The following CNTN4 variants were observed in gnomAD, a reference collection of about 807,000 sequenced individuals.
The protein encoded by CNTN4 is contactin-4.
CNTN4 carries 77 observed loss-of-function variants against 122.5 expected under a neutral mutation model. The ratio of observed to expected loss-of-function variants is 0.63; its 90% CI spans 0.52 to 0.76. The LOEUF (loss-of-function observed/expected upper bound fraction) is 0.76, where lower values mean the gene tolerates loss of function less well. CNTN4 is among the 30% of genes least tolerant of loss of function. CNTN4 has a pLI of 0.00. For synonymous variants in CNTN4, 512 were observed against 447.0 expected, an observed-to-expected ratio of 1.15 and a Z score of -1.83; for missense variants, 1,256 against 1,259.1, an observed-to-expected ratio of 1.00 and a Z score of 0.04.
intron 3 of CNTN4, among the ~76,000 whole-genome samples, chr3:2,503,981 T>C (rs1041993160): frequency 2.0e-5 from 3 of 152,064 alleles, no homozygotes; most frequent in African/African-American, 7.2e-5. Context: ...GGAGCTCTGA[T>C]GTCAGTGTGG....
chr3:2,353,792 G>A (rs961099755), intron 3 of CNTN4, among the ~76,000 whole-genome samples: 7 of 152,162 alleles, frequency 4.6e-5, no homozygotes, highest in East Asian at 3.9e-4. Context: ...CCAGCTACTC[G>A]GGAGGCTGAG....
chr3:2,974,680 C>T lies in CNTN4; in HGVS notation c.1359-13665C>T, dbSNP rs532015419. On this transcript the variant is annotated intron_variant, in intron 13 of 24. Transcript: ENST00000418658. ...TGGTGATGCTGAGTTTCTGTGCTTC[C>T]CAGAAGGCAAAGATGCAGCTGTTTT... Among the ~76,000 whole-genome samples the T allele has an allele frequency of 2.0e-4, 30 of 152,228 alleles. No homozygotes were observed. In the South Asian group the frequency reaches 6.0e-3, roughly 31 times the overall value.
At position 3,042,901 on chromosome 3, in the gene CNTN4, G is replaced by A. The variant is rs139189287; in HGVS notation, c.2512-76G>A. 1,002 of 1,208,730 alleles carry A rather than the reference G, an allele frequency of 8.3e-4. 5 individuals are homozygous for A. Among genetic ancestry groups the A allele is most frequent in the African/African-American group, 7.5e-3 (501 of 66,938 alleles). The allele number at this position is 1,208,730 out of a possible 1,614,324, so 74.9% of individuals were successfully genotyped here. ...AACTAACTCCATCATAAGAATCTGCGTACAAAATTACCTGATGACATTGCA... is the reference window on the plus strand; with the variant it reads ...AACTAACTCCATCATAAGAATCTGCATACAAAATTACCTGATGACATTGCA... On this transcript the variant is annotated intron_variant, in intron 21 of 24. Transcript: ENST00000418658.
chr3:2,340,710 T>TATATATATATAGAGAG, intron 3 of CNTN4, among the ~76,000 whole-genome samples: 15 of 18,304 alleles, frequency 8.2e-4, no homozygotes, highest in Non-Finnish European at 1.3e-3. Context: ...TATATATATA[T>TATATATATATAGAGAG]AGAGAGAGAG....
chr3:2,729,922 A>G (rs2088557277), intron 4 of CNTN4, among the ~76,000 whole-genome samples: 1 of 152,184 alleles, frequency 6.6e-6, no homozygotes. Flanking sequence ...TCAAAAAATA[A>G]AATAAAATAA....
At chr3:2,846,129 G>C (rs1322507920) in intron 7 of CNTN4, among the ~76,000 whole-genome samples, 1 of 152,154 alleles carries the variant, frequency 6.6e-6, no homozygotes, top group Non-Finnish European at 1.5e-5. Flanking sequence ...AAATCCTGTA[G>C]TAAAGAAATC....
intron 2 of CNTN4, among the ~76,000 whole-genome samples, chr3:2,298,443 G>A (rs1486485283): frequency 6.6e-6 from 1 of 152,018 alleles, no homozygotes; most frequent in Non-Finnish European, 1.5e-5. Context: ...TCAGAAAATA[G>A]TTTCCCAATT....
intron 2 of CNTN4, among the ~76,000 whole-genome samples, chr3:2,113,083 A>G (rs2033085797): frequency 1.3e-5 from 2 of 152,202 alleles, no homozygotes; most frequent in African/African-American, 4.8e-5. Context: ...TTGGGCTTTT[A>G]GATATTAAAA....
At chr3:2,345,989 T>C (rs2044383261) in intron 3 of CNTN4, among the ~76,000 whole-genome samples, 1 of 152,220 alleles carries the variant, frequency 6.6e-6, no homozygotes, top group South Asian at 2.1e-4. Flanking sequence ...TAGGTGTATC[T>C]CCTTTCAGCA....
At chr3:2,724,555 C>T (rs749594123) in intron 4 of CNTN4, among the ~76,000 whole-genome samples, 4 of 152,108 alleles carry the variant, frequency 2.6e-5, no homozygotes, top group Admixed American at 6.6e-5. Flanking sequence ...TATATATTGA[C>T]GCATTCACTA....
intron 2 of CNTN4, among the ~76,000 whole-genome samples, chr3:2,202,271 G>A (rs558456848): frequency 7.9e-5 from 12 of 152,268 alleles, no homozygotes; most frequent in Admixed American, 7.9e-4. Context: ...CTATCTTTAA[G>A]GTTCCTAGTT....
chr3:2,487,405 C>T (rs2076193800), intron 3 of CNTN4, among the ~76,000 whole-genome samples: 1 of 152,174 alleles, frequency 6.6e-6, no homozygotes, highest in African/African-American at 2.4e-5. Flanking sequence ...CTTCCCTTCC[C>T]TCCCTTTCTA....
At chr3:2,301,338 G>C (rs1045413184) in intron 2 of CNTN4, among the ~76,000 whole-genome samples, 1 of 152,086 alleles carries the variant, frequency 6.6e-6, no homozygotes, top group African/African-American at 2.4e-5. Context: ...ATTAAACTAT[G>C]AATACATTTT....
At position 3,057,876 on chromosome 3, in the gene CNTN4, C is replaced by T. The variant is rs2125937139; in HGVS notation, c.*1656C>T. The T allele has an allele frequency of 6.6e-6, 1 of 152,558 alleles. No homozygotes were observed. The highest frequency in any genetic ancestry group is 1.9e-4 in the East Asian group (1 of 5,180). 9.5% of individuals were successfully genotyped at this position (152,558 alleles called of 1,614,324 possible). On this transcript the variant is annotated 3_prime_UTR_variant, in exon 25 of 25. Transcript: ENST00000418658. ...AATGACACCCAGGGAGTTCCCAACC[C>T]CAGTGTAAATGATATTTACCAGTGA...
Position 2,578,193 on chromosome 3 carries a change from G to A in CNTN4, c.55+6635G>A, listed in dbSNP as rs559393539. ...AGAACACATACAAAGAATGCTCATT[G>A]GTCTTCAGAAGGCTTTTGAGGCTCA... On this transcript the variant is annotated intron_variant, in intron 4 of 24. Transcript: ENST00000418658. Among the ~76,000 whole-genome samples, 159 of 152,288 alleles carry A rather than the reference G, an allele frequency of 1.0e-3. 2 individuals are homozygous for A. The highest frequency in any genetic ancestry group is 2.7e-3 in the African/African-American group (114 of 41,558).
chr3:2,988,464 T>G lies in CNTN4; in HGVS notation c.1478T>G (p.Val493Gly), dbSNP rs547040719. The change falls in exon 14 of 25, where the codon GTA becomes GGA. Residue 493 changes from valine to glycine, a missense_variant. Val to Gly is a moderately radical substitution (Grantham distance 109). Transcript: ENST00000418658. ...FGTASSTGNL[V>G]VKDPTRVMVP... is the part of the protein sequence containing the mutation. Reference sequence around the variant, plus strand: ...ACTGCTAGCAGTACTGGAAACTTGGTAGTGAAAGGTAATGGCTAACCCAAA... The same window carrying G: ...ACTGCTAGCAGTACTGGAAACTTGGGAGTGAAAGGTAATGGCTAACCCAAA... 6.2e-7 allele frequency: 1 copy of G among 1,613,768 alleles called. No individual in the cohort carries two copies. Among genetic ancestry groups the G allele is most frequent in the East Asian group, 2.2e-5 (1 of 44,820 alleles).
chr3:2,589,157 T>C (rs1259508149), intron 4 of CNTN4, among the ~76,000 whole-genome samples: 1 of 152,194 alleles, frequency 6.6e-6, no homozygotes, highest in Non-Finnish European at 1.5e-5. Flanking sequence ...AGCGATGGCC[T>C]GGCATAGAAA....
intron 2 of CNTN4, among the ~76,000 whole-genome samples, chr3:2,175,014 T>C (rs2149259041): frequency 6.6e-6 from 1 of 152,288 alleles, no homozygotes; most frequent in Non-Finnish European, 1.5e-5. Context: ...ACATGAGATT[T>C]GGGTGGGGTC....
intron 3 of CNTN4, among the ~76,000 whole-genome samples, chr3:2,353,566 G>C (rs529638343): frequency 1.3e-5 from 2 of 152,076 alleles, no homozygotes; most frequent in South Asian, 2.1e-4. Flanking sequence ...AGGCCAGCGA[G>C]ACCACGAACC....
Sources: gnomAD v4.1 joint callset for allele counts (sites outside exome capture counted in the v4.1 genomes callset) on GRCh38, gnomAD v4.1.1 for gene constraint, MANE v1.5 for transcripts, NCBI Gene and HGNC (gene_info 2026-07-23, HGNC 2026-07-21) for gene names.